SUGCT: variants seen among roughly 807,000 people sequenced by gnomAD.
SUGCT encodes the protein succinyl-CoA:glutarate CoA-transferase.
A neutral mutation model predicts 55.0 loss-of-function variants in SUGCT; 41 were observed. The ratio of observed to expected loss-of-function variants is 0.74; its 90% confidence interval spans 0.58 to 0.97. The LOEUF (loss-of-function observed/expected upper bound fraction) is 0.97. Among genes scored for constraint, SUGCT ranks in the 50% least tolerant of loss-of-function variants. SUGCT has a pLI of 0.00. For missense variants in SUGCT, 568 were observed against 547.8 expected (o/e 1.04, Z -0.37); for synonymous variants, 187 against 200.4 (o/e 0.93, Z 0.56).
At chr7:40,261,029 T>C in intron 7 of SUGCT, among the ~76,000 whole-genome samples, 1 of 152,138 alleles carries the variant, frequency 6.6e-6, no homozygotes, top group Admixed American at 6.5e-5. Flanking sequence ...ATTTGGGTCA[T>C]AATGCTTTGA....
intron 7 of SUGCT, among the ~76,000 whole-genome samples, chr7:40,244,092 GA>G (rs1789649989): frequency 6.6e-6 from 1 of 152,194 alleles, no homozygotes; most frequent in Admixed American, 6.5e-5. Flanking sequence ...AGAATCACTT[GA>G]ACCTGGGAGG....
At chr7:40,269,510 A>T (rs990503009) in intron 7 of SUGCT, among the ~76,000 whole-genome samples, 2 of 151,982 alleles carry the variant, frequency 1.3e-5, no homozygotes, top group Non-Finnish European at 2.9e-5. Context: ...TATCGTAGAG[A>T]TGTGGACTTG....
At chr7:40,952,051 G>T in the SUGCT span, among the ~76,000 whole-genome samples, 2 of 152,020 alleles carry the variant, frequency 1.3e-5, no homozygotes, top group South Asian at 2.1e-4. Context: ...TTGGCAGTGG[G>T]GTGTTAAAGT....
intron 7 of SUGCT, among the ~76,000 whole-genome samples, chr7:40,260,802 C>T (rs1456747959): frequency 2.0e-5 from 3 of 152,102 alleles, no homozygotes; most frequent in Non-Finnish European, 4.4e-5. Context: ...CAGGTGTGCG[C>T]CACCATGCCT....
At chr7:40,299,792 C>T (rs4723944) in intron 8 of SUGCT, among the ~76,000 whole-genome samples, 151,508 of 152,318 alleles carry the variant, frequency 0.99, 75,353 homozygotes, top group East Asian at 1. Context: ...TAATCAATGG[C>T]TTCACTGGTA....
chr7:40,988,506 G>T, the SUGCT span, among the ~76,000 whole-genome samples: 1 of 151,744 alleles, frequency 6.6e-6, no homozygotes, highest in South Asian at 2.1e-4. Context: ...CCACAAGGAG[G>T]TGTTCAAAAA....
chr7:40,990,117 A>C, the SUGCT span, among the ~76,000 whole-genome samples: 1 of 152,244 alleles, frequency 6.6e-6, no homozygotes, highest in Non-Finnish European at 1.5e-5. Flanking sequence ...TGGCAGCTGC[A>C]GTCTTACAAA....
At chr7:40,274,825 G>C (rs1165405477) in intron 8 of SUGCT, among the ~76,000 whole-genome samples, 169 bp downstream of exon 8, 4 of 152,078 alleles carry the variant, frequency 2.6e-5, no homozygotes, top group African/African-American at 9.7e-5. Flanking sequence ...TTTTGAGATG[G>C]AATTTTGCTC....
intron 12 of SUGCT, among the ~76,000 whole-genome samples, chr7:40,747,725 A>G (rs1787802155): frequency 6.6e-6 from 1 of 152,220 alleles, no homozygotes; most frequent in South Asian, 2.1e-4. Context: ...ATGTCTTACT[A>G]AGGTTCCAGT....
At chr7:40,461,591 G>T (rs183764140) in intron 11 of SUGCT, among the ~76,000 whole-genome samples, 1 of 152,280 alleles carries the variant, frequency 6.6e-6, no homozygotes, top group Admixed American at 6.5e-5. Context: ...TTCATGCCTT[G>T]TCCGTTGCCA....
chr7:40,544,475 G>T (rs1011829615), intron 12 of SUGCT, among the ~76,000 whole-genome samples: 1 of 152,166 alleles, frequency 6.6e-6, no homozygotes, highest in Non-Finnish European at 1.5e-5. Flanking sequence ...TTATCATGCC[G>T]AAGCTGACGG....
intron 13 of SUGCT, among the ~76,000 whole-genome samples, chr7:40,855,250 T>C (rs1317897630): frequency 6.6e-6 from 1 of 151,484 alleles, no homozygotes; most frequent in East Asian, 1.9e-4. Context: ...CTCATATTCT[T>C]TGTTGAAAAA....
At chr7:40,786,911 A>G (rs889617226) in intron 13 of SUGCT, among the ~76,000 whole-genome samples, 7 of 152,200 alleles carry the variant, frequency 4.6e-5, no homozygotes, top group Admixed American at 1.3e-4. Context: ...GATTCTAGTA[A>G]CCAGTATGAA....
At chr7:40,704,376 C>T (rs958679522) in intron 12 of SUGCT, among the ~76,000 whole-genome samples, 1 of 152,088 alleles carries the variant, frequency 6.6e-6, no homozygotes, top group Non-Finnish European at 1.5e-5. Flanking sequence ...CAAGGGGGCT[C>T]TTACAAGCAC....
At chr7:40,191,852 G>A (rs1785930698) in intron 5 of SUGCT, among the ~76,000 whole-genome samples, 1 of 152,170 alleles carries the variant, frequency 6.6e-6, no homozygotes, top group East Asian at 1.9e-4. Context: ...GCTCACGCCT[G>A]TAATCCCAGC....
chr7:40,899,632 A>G, the SUGCT span, among the ~76,000 whole-genome samples: 1 of 152,094 alleles, frequency 6.6e-6, no homozygotes, highest in African/African-American at 2.4e-5. Context: ...TATGGTTTTT[A>G]TAAACTTCCA....
chr7:40,744,169 C>T (rs1340020520), intron 12 of SUGCT, among the ~76,000 whole-genome samples: 1 of 151,862 alleles, frequency 6.6e-6, no homozygotes, highest in Non-Finnish European at 1.5e-5. Context: ...CTCAGGTGAT[C>T]CACCTGCCTC....
chr7:40,546,028 A>G (rs138304741), intron 12 of SUGCT, among the ~76,000 whole-genome samples: 208 of 152,336 alleles, frequency 1.4e-3, no homozygotes, highest in African/African-American at 4.8e-3. Context: ...ACATCCAGGA[A>G]GTTAATCTTC....
At position 40,750,142 on chromosome 7, in the gene SUGCT, T is replaced by C. The variant is rs562154520; in HGVS notation, c.1153+645T>C. On this transcript the variant is annotated intron_variant, in intron 13 of 13. Coordinates refer to ENST00000335693, the MANE Select transcript of SUGCT (RefSeq NM_001193313.2). ...CCTCATGCCTACTCTCAAAGCATCCTCTTAAGTGGTGCATTTAAACTGCAG... is the reference window on the plus strand; with the variant it reads ...CCTCATGCCTACTCTCAAAGCATCCCCTTAAGTGGTGCATTTAAACTGCAG... Among the ~76,000 whole-genome samples, 29 of 152,300 alleles carry C rather than the reference T, an allele frequency of 1.9e-4. No individual in the cohort carries two copies. The East Asian group carries it at 2.3e-3, about 12-fold the overall frequency.
Sources: allele counts gnomAD v4.1 joint callset (sites outside exome capture counted in the v4.1 genomes callset), GRCh38; gene constraint gnomAD v4.1.1; transcripts MANE v1.5; gene names NCBI Gene and HGNC (gene_info 2026-07-23, HGNC 2026-07-21).